SEMA3A: variants seen among roughly 807,000 people sequenced by gnomAD.
SEMA3A encodes the protein semaphorin 3A, also known as semaphorin-3A.
In SEMA3A, 29 loss-of-function variants were observed where a neutral mutation model predicts 97.9. That is an observed-to-expected ratio of 0.30 (90% confidence interval 0.22 to 0.40). The LOEUF is 0.40. SEMA3A is among the 10% of genes least tolerant of loss of function. The pLI is 1.00. For missense variants in SEMA3A, 763 were observed against 951.3 expected, an observed-to-expected ratio of 0.80 and a Z score of 2.60; for synonymous variants, 321 against 323.7, an observed-to-expected ratio of 0.99 and a Z score of 0.09.
intron 5 of SEMA3A, among the ~76,000 whole-genome samples, chr7:84,050,356 G>C (rs1365346123): frequency 1.6e-4 from 25 of 152,048 alleles, no homozygotes; most frequent in African/African-American, 3.1e-4. Context: ...TTCTCCACAT[G>C]CTCTCCAGCA....
Position 84,433,467 on chromosome 7 carries a change from A to C in SEMA3A, c.-246+58993T>G, listed in dbSNP as rs185795816. On this transcript the variant is annotated intron_variant, in intron 1 of 3. Transcript: ENST00000424555. ...TATATGTGCCATATTTTCTTAATCC[A>C]GTTTATCATTGATGGACATTTGGGT... Among the ~76,000 whole-genome samples the C allele has an allele frequency of 3.7e-4, 57 of 152,094 alleles. No homozygotes were observed. The East Asian group carries it at 0.011, about 29-fold the overall frequency.
intron 12 of SEMA3A, among the ~76,000 whole-genome samples, chr7:84,000,076 G>T (rs909616262): frequency 6.6e-6 from 1 of 151,926 alleles, no homozygotes; most frequent in Non-Finnish European, 1.5e-5. Flanking sequence ...TTTAGGTTTT[G>T]GCGATATAAC....
At chr7:84,328,580 T>C (rs970435457) in intron 2 of SEMA3A, among the ~76,000 whole-genome samples, 2 of 152,068 alleles carry the variant, frequency 1.3e-5, no homozygotes, top group African/African-American at 2.4e-5. Flanking sequence ...TAGACTCTTA[T>C]GTACATTGAA....
intron 1 of SEMA3A, among the ~76,000 whole-genome samples, chr7:84,457,303 A>T (rs1212634839): frequency 6.6e-6 from 1 of 151,866 alleles, no homozygotes; most frequent in Non-Finnish European, 1.5e-5. Flanking sequence ...AATTTTACAA[A>T]TTTCAGTTTT....
intron 12 of SEMA3A, among the ~76,000 whole-genome samples, chr7:83,995,968 T>A (rs539735059): frequency 3.9e-5 from 6 of 152,340 alleles, no homozygotes; most frequent in African/African-American, 1.2e-4. Context: ...CAGCTGTTCA[T>A]GGAATACTGC....
chr7:84,055,310 C>G (rs572141765), intron 5 of SEMA3A, among the ~76,000 whole-genome samples: 5 of 152,192 alleles, frequency 3.3e-5, no homozygotes, highest in East Asian at 3.9e-4. Context: ...CGCCTCGCTG[C>G]GGCCTTGCAG....
chr7:84,022,196 A>T (rs1053845229), intron 6 of SEMA3A, among the ~76,000 whole-genome samples: 1 of 152,186 alleles, frequency 6.6e-6, no homozygotes, highest in Non-Finnish European at 1.5e-5. Context: ...AAGAAATTCA[A>T]TAACTTGCCT....
chr7:84,064,246 C>T lies in SEMA3A; in HGVS notation c.454-3688G>A, dbSNP rs866839399. On this transcript the variant is annotated intron_variant, in intron 4 of 16. Coordinates refer to ENST00000265362, the MANE Select transcript of SEMA3A (RefSeq NM_006080.3). The stretch of plus-strand genomic sequence containing the variant: ...AGAGATTTTGTCACCACCAGGCCTG[C>T]CCTAAAAGAGCTCCTGAAGGAAGCA... Among the ~76,000 whole-genome samples the T allele has an allele frequency of 5.9e-3, 897 of 152,048 alleles. 5 individuals carry two copies. The highest frequency in any genetic ancestry group is 0.031 in the Middle Eastern group (9 of 292).
intron 2 of SEMA3A, 21 bp from the exon 3 acceptor site, chr7:84,129,206 T>C (rs748403112): frequency 1.2e-5 from 19 of 1,595,070 alleles, no homozygotes; most frequent in Non-Finnish European, 1.0e-5. Flanking sequence ...AGAATAAACA[T>C]TGTTTTATGT....
At chr7:84,219,359 G>A (rs1350113352) in intron 3 of SEMA3A, among the ~76,000 whole-genome samples, 1 of 152,110 alleles carries the variant, frequency 6.6e-6, no homozygotes, top group African/African-American at 2.4e-5. Flanking sequence ...AGTGGATGTA[G>A]ATCTACAGAG....
chr7:84,443,192 A>G (rs1488591146), intron 1 of SEMA3A, among the ~76,000 whole-genome samples: 5 of 152,180 alleles, frequency 3.3e-5, no homozygotes, highest in South Asian at 2.1e-4. Flanking sequence ...TTAAGTGCAC[A>G]TGGAATAATT....
At chr7:84,353,757 G>T (rs934936655) in intron 2 of SEMA3A, among the ~76,000 whole-genome samples, 1 of 151,678 alleles carries the variant, frequency 6.6e-6, no homozygotes, top group Admixed American at 6.6e-5. Flanking sequence ...GTATATTTTG[G>T]GGGGAGGATA....
intron 3 of SEMA3A, among the ~76,000 whole-genome samples, chr7:84,206,859 TA>T (rs1448919396): frequency 1.3e-5 from 2 of 152,120 alleles, no homozygotes; most frequent in Non-Finnish European, 2.9e-5. Flanking sequence ...ATGAGTAAGA[TA>T]TTTTTCTATG....
intron 7 of SEMA3A, among the ~76,000 whole-genome samples, chr7:84,011,952 G>A (rs1790897824): frequency 6.6e-6 from 1 of 152,030 alleles, no homozygotes; most frequent in Non-Finnish European, 1.5e-5. Context: ...GAATAAACCG[G>A]GGGACATTAT....
chr7:83,970,301 G>T (rs907225003), intron 15 of SEMA3A, among the ~76,000 whole-genome samples: 2 of 152,080 alleles, frequency 1.3e-5, no homozygotes, highest in African/African-American at 4.8e-5. Context: ...TGGGAGGAAA[G>T]AAAATAGTTA....
intron 9 of SEMA3A, among the ~76,000 whole-genome samples, chr7:84,007,742 C>T (rs962737045): frequency 1.3e-5 from 2 of 151,976 alleles, no homozygotes; most frequent in African/African-American, 4.8e-5. Flanking sequence ...ATGGAATATA[C>T]GCCTTCATAT....
intron 1 of SEMA3A, among the ~76,000 whole-genome samples, chr7:84,406,845 T>C (rs1478365227): frequency 6.6e-6 from 1 of 152,180 alleles, no homozygotes; most frequent in Non-Finnish European, 1.5e-5. Context: ...TTGACAAAAT[T>C]CAACAATACT....
intron 11 of SEMA3A, among the ~76,000 whole-genome samples, chr7:84,003,500 G>C (rs369795810): frequency 6.6e-6 from 1 of 152,040 alleles, no homozygotes; most frequent in Non-Finnish European, 1.5e-5. Context: ...AGATGACCTT[G>C]GTCTGTACTG....
At chr7:84,156,324 T>C (rs909533312) in intron 1 of SEMA3A, among the ~76,000 whole-genome samples, 1 of 152,136 alleles carries the variant, frequency 6.6e-6, no homozygotes, top group African/African-American at 2.4e-5. Flanking sequence ...TCTCCACTGG[T>C]GTACCTTATA....
Sources: allele counts gnomAD v4.1 joint callset (sites outside exome capture counted in the v4.1 genomes callset), GRCh38; gene constraint gnomAD v4.1.1; transcripts MANE v1.5; gene names NCBI Gene and HGNC (gene_info 2026-07-23, HGNC 2026-07-21).